PTPRK: variants seen among roughly 807,000 people sequenced by gnomAD.
PTPRK encodes the protein protein tyrosine phosphatase receptor type K.
In PTPRK, 75 loss-of-function variants were observed where a neutral mutation model predicts 178.0. That is an observed-to-expected ratio of 0.42 (90% CI 0.35 to 0.51). PTPRK has a LOEUF of 0.51. Among genes scored for constraint, PTPRK ranks in the 20% least tolerant of loss-of-function variants. The pLI is 0.02. For synonymous variants in PTPRK, 637 were observed against 620.6 expected (o/e 1.03, Z -0.39); for missense variants, 1,441 against 1,797.8 (o/e 0.80, Z 3.59).
intron 2 of PTPRK, among the ~76,000 whole-genome samples, chr6:128,382,118 C>T (rs1017831195): frequency 1.5e-5 from 2 of 130,372 alleles, no homozygotes; most frequent in Non-Finnish European, 3.1e-5. Context: ...TGACACTGCA[C>T]TCAAGCCTGG....
intron 2 of PTPRK, among the ~76,000 whole-genome samples, chr6:128,393,734 C>T (rs1839924647): frequency 1.3e-5 from 2 of 152,058 alleles, no homozygotes; most frequent in South Asian, 4.2e-4. Context: ...AAGTTTGGAC[C>T]CATTTGAGGA....
At chr6:127,980,973 C>T in intron 25 of PTPRK, 143 bp downstream of exon 25, 1 of 773,738 alleles carries the variant, frequency 1.3e-6, no homozygotes, top group South Asian at 2.5e-5. Flanking sequence ...AAATCATTTT[C>T]CAAAAAAATG....
intron 7 of PTPRK, among the ~76,000 whole-genome samples, chr6:128,159,950 C>T (rs1401948614): frequency 6.6e-6 from 1 of 151,668 alleles, no homozygotes; most frequent in East Asian, 1.9e-4. Flanking sequence ...ATTATGTTTA[C>T]TTACATCCTG....
At chr6:127,998,696 A>T (rs1408776344) in intron 16 of PTPRK, 24 bp downstream of exon 16, 1 of 1,523,938 alleles carries the variant, frequency 6.6e-7, no homozygotes, top group East Asian at 2.3e-5. Flanking sequence ...AATCAAATTC[A>T]ATACAGTATC....
chr6:128,358,640 A>G (rs2128341006), intron 2 of PTPRK, among the ~76,000 whole-genome samples: 1 of 152,344 alleles, frequency 6.6e-6, no homozygotes, highest in African/African-American at 2.4e-5. Flanking sequence ...ATGCAGTGCC[A>G]TCTTCAGTAG....
intron 3 of PTPRK, among the ~76,000 whole-genome samples, chr6:128,262,336 G>T (rs1038885766): frequency 3.3e-5 from 5 of 151,896 alleles, no homozygotes; most frequent in African/African-American, 9.7e-5. Context: ...TCTTAAAAAA[G>T]GATTTTTTAT....
intron 7 of PTPRK, among the ~76,000 whole-genome samples, chr6:128,117,625 A>T (rs1791760032): frequency 6.6e-6 from 1 of 152,124 alleles, no homozygotes; most frequent in Non-Finnish European, 1.5e-5. Flanking sequence ...TCTTTTATGC[A>T]ACCTAGTTTT....
chr6:128,154,412 C>T (rs141771539), intron 7 of PTPRK, among the ~76,000 whole-genome samples: 1,741 of 151,746 alleles, frequency 0.011, 21 homozygotes, highest in Middle Eastern at 0.044. Context: ...CTAAAATGAT[C>T]TCGCTGACTT....
chr6:128,226,772 ATATATAT>A (rs1382152704), intron 5 of PTPRK, among the ~76,000 whole-genome samples: 1 of 122,928 alleles, frequency 8.1e-6, no homozygotes, highest in Non-Finnish European at 1.6e-5. Context: ...ATATATATAT[ATATATAT>A]ATATATATAT....
chr6:128,318,708 T>C (rs1389926617), intron 3 of PTPRK, among the ~76,000 whole-genome samples: 1 of 152,158 alleles, frequency 6.6e-6, no homozygotes, highest in Non-Finnish European at 1.5e-5. Context: ...AGGTAATGGA[T>C]TTAATCCCAA....
At chr6:128,136,850 G>C (rs1222611767) in intron 7 of PTPRK, among the ~76,000 whole-genome samples, 1 of 152,148 alleles carries the variant, frequency 6.6e-6, no homozygotes, top group Admixed American at 6.5e-5. Context: ...ATTGCTCAGA[G>C]CTGGATGGCT....
chr6:128,391,004 G>A (rs1839475538), intron 2 of PTPRK, among the ~76,000 whole-genome samples: 1 of 151,962 alleles, frequency 6.6e-6, no homozygotes, highest in African/African-American at 2.4e-5. Context: ...ATGGAGCCAG[G>A]GTGGTATAGA....
At position 127,985,848 on chromosome 6, in the gene PTPRK, T is replaced by C. The variant is rs748410575; in HGVS notation, c.3124A>G (p.Lys1042Glu). The change falls in exon 22 of 30, where the codon AAA becomes GAA. Residue 1042 changes from lysine (K) to glutamate (E), a missense_variant. Physicochemically the swap from Lys to Glu is moderately conservative, Grantham distance 56. This residue lies in a region of PTPRK where 335 missense variants were observed against 512.4 expected (regional missense o/e 0.65). Transcript: ENST00000368226. Reference sequence around the variant, plus strand: ...GGCCAGCCCGTGAAATGGAACTGTTTAACTTCACGGATTTCATTGTACCCC... The same window carrying C: ...GGCCAGCCCGTGAAATGGAACTGTTCAACTTCACGGATTTCATTGTACCCC... The part of the protein sequence containing the change: ...RRGYNEIREV[K>E]QFHFTGWPDH... 2.5e-6 allele frequency: 4 copies of C among 1,612,296 alleles called. No individual in the cohort carries two copies. Among genetic ancestry groups the C allele is most frequent in the Non-Finnish European group, 3.4e-6 (4 of 1,178,508 alleles).
intron 6 of PTPRK, among the ~76,000 whole-genome samples, chr6:128,187,999 A>G (rs1426741791): frequency 3.3e-5 from 5 of 152,182 alleles, no homozygotes; most frequent in Admixed American, 3.3e-4. Context: ...TAATCAGTTC[A>G]CAAATGAACA....
intron 1 of PTPRK, among the ~76,000 whole-genome samples, chr6:128,423,958 C>T (rs1843789048): frequency 6.6e-6 from 1 of 151,724 alleles, no homozygotes; most frequent in Non-Finnish European, 1.5e-5. Flanking sequence ...TGGTGGCTTA[C>T]ACCTGTAATC....
intron 15 of PTPRK, chr6:128,003,182 G>T: frequency 6.3e-7 from 1 of 1,596,332 alleles, no homozygotes; most frequent in Admixed American, 1.7e-5. Context: ...AGATGATAAA[G>T]ATTTAGGGCC....
rs77381884 is a variant in PTPRK, at chr6:127,972,561, T to C, written c.4269+461A>G. On this transcript the variant is annotated intron_variant, in intron 29 of 29. Transcript: ENST00000368226. ...TTGGTAAAAGCTGAAAACTTAACCA[T>C]GATAGTTTAACCATTTACAATTTGA... Among the ~76,000 whole-genome samples the C allele has an allele frequency of 5.6e-4, 86 of 152,336 alleles. 1 individual carries two copies. The East Asian group carries it at 0.016, about 28-fold the overall frequency.
intron 13 of PTPRK, among the ~76,000 whole-genome samples, chr6:128,045,780 G>T (rs1777941629): frequency 1.3e-5 from 2 of 151,942 alleles, no homozygotes; most frequent in African/African-American, 4.8e-5. Context: ...TTATAAGGAG[G>T]TTGATACCCA....
intron 1 of PTPRK, among the ~76,000 whole-genome samples, chr6:128,514,151 T>C (rs1857580680): frequency 6.6e-6 from 1 of 152,194 alleles, no homozygotes; most frequent in Non-Finnish European, 1.5e-5. Flanking sequence ...GAAAGATTTA[T>C]TATTTTATCC....
Sources: gnomAD v4.1 joint callset for allele counts (sites outside exome capture counted in the v4.1 genomes callset) on GRCh38, gnomAD v4.1.1 for gene constraint, gnomAD v4.1.1 regional missense constraint, MANE v1.5 for transcripts, NCBI Gene and HGNC (gene_info 2026-07-23, HGNC 2026-07-21) for gene names.